Variants in GLYR1 observed in about 807,000 individuals in gnomAD.
GLYR1 encodes cytokine-like nuclear factor N-PAC.
A neutral mutation model predicts 72.7 loss-of-function variants in GLYR1; 21 were observed. The observed-to-expected ratio is 0.29, with a 90% CI of 0.20 to 0.42. The LOEUF (loss-of-function observed/expected upper bound fraction) is 0.42. Ranked by LOEUF, GLYR1 falls within the 10% of genes least tolerant of loss-of-function variation. GLYR1 has a pLI of 1.00. For missense variants in GLYR1, 594 were observed against 712.1 expected, an observed-to-expected ratio of 0.83 and a Z score of 1.89; for synonymous variants, 392 against 270.2, an observed-to-expected ratio of 1.45 and a Z score of -4.42.
intron 10 of GLYR1, among the ~76,000 whole-genome samples, chr16:4,817,321 G>T (rs942382396): frequency 6.6e-6 from 1 of 151,780 alleles, no homozygotes; most frequent in African/African-American, 2.4e-5. Context: ...GGGTTTCACC[G>T]TGTTAGCCAG....
At chr16:4,816,287 T>C (rs893747380) in intron 10 of GLYR1, among the ~76,000 whole-genome samples, 2 of 151,942 alleles carry the variant, frequency 1.3e-5, no homozygotes, top group Admixed American at 6.6e-5. Flanking sequence ...GGGACTATAG[T>C]AGGCAGGTGC....
At chr16:4,809,555 T>G (rs1173967128) in intron 15 of GLYR1, among the ~76,000 whole-genome samples, 1 of 143,252 alleles carries the variant, frequency 7.0e-6, no homozygotes, top group Non-Finnish European at 1.5e-5. Flanking sequence ...AAGCTTGCAG[T>G]GAGCCGAGAT....
chr16:4,836,290 A>G (rs1445406995), intron 3 of GLYR1, among the ~76,000 whole-genome samples: 1 of 152,152 alleles, frequency 6.6e-6, no homozygotes, highest in Non-Finnish European at 1.5e-5. Context: ...AGGTGCTACA[A>G]TGCTCCAGTG....
intron 7 of GLYR1, among the ~76,000 whole-genome samples, 149 bp downstream of exon 7, chr16:4,822,713 TGCTTGGCTCATTA>T (rs1269449303): frequency 6.6e-6 from 1 of 152,214 alleles, no homozygotes; most frequent in Non-Finnish European, 1.5e-5. Context: ...ATCTTAACAA[TGCTTGGCTCATTA>T]GCGGGCCCAT....
chr16:4,814,613 C>T lies in GLYR1; in HGVS notation c.941G>A (p.Gly314Glu). The change falls in exon 11 of 16, where the codon GGA becomes GAA. Residue 314 changes from glycine to glutamate, a missense_variant. Transcript: ENST00000321919. ...TGAGACGACTTCAGCGGGGGTTCTT[C>T]CCAGACGGGCCCCCTCCTGGATGAA... is the stretch of plus-strand genomic sequence containing the variant. Reference protein sequence around the residue: ...DLFIQEGARLGRTPAEVVSTC... With the variant: ...DLFIQEGARLERTPAEVVSTC... The T allele has an allele frequency of 6.2e-7, 1 of 1,614,128 alleles. No individual in the cohort carries two copies. The highest frequency in any genetic ancestry group is 8.5e-7 in the Non-Finnish European group (1 of 1,180,002).
intron 3 of GLYR1, among the ~76,000 whole-genome samples, chr16:4,834,322 C>T (rs986805087): frequency 7.8e-5 from 9 of 115,238 alleles, no homozygotes; most frequent in South Asian, 5.1e-4. Context: ...TTTTTTGAGA[C>T]GGAGTTTCAC....
At chr16:4,805,399 C>A in intron 15 of GLYR1, 89 bp from the exon 16 acceptor site, 1 of 1,116,704 alleles carries the variant, frequency 9.0e-7, no homozygotes, top group South Asian at 1.3e-5. Flanking sequence ...TGGATGTGGC[C>A]AGCAGGCAGT....
intron 5 of GLYR1, among the ~76,000 whole-genome samples, chr16:4,830,064 A>T (rs1021694958): frequency 6.6e-6 from 1 of 152,076 alleles, no homozygotes; most frequent in African/African-American, 2.4e-5. Flanking sequence ...CTGGCCTCCC[A>T]AAGTGCTAGG....
chr16:4,830,996 C>G (rs1181606290), intron 5 of GLYR1, among the ~76,000 whole-genome samples: 1 of 152,216 alleles, frequency 6.6e-6, no homozygotes, highest in Non-Finnish European at 1.5e-5. Flanking sequence ...CCCAGGCTGT[C>G]TAGGCCTTGC....
At chr16:4,829,896 C>CT (rs2142009073) in intron 5 of GLYR1, among the ~76,000 whole-genome samples, 1 of 152,270 alleles carries the variant, frequency 6.6e-6, no homozygotes, top group South Asian at 2.1e-4. Context: ...TGGTCTCGAA[C>CT]TCCCGACCTG....
At chr16:4,831,031 G>C (rs967052601) in intron 5 of GLYR1, among the ~76,000 whole-genome samples, 10 of 152,094 alleles carry the variant, frequency 6.6e-5, no homozygotes, top group South Asian at 2.1e-4. Context: ...ATTCCAAACA[G>C]AACTGGTACT....
chr16:4,818,840 A>T (rs905650758), intron 9 of GLYR1, among the ~76,000 whole-genome samples: 17 of 151,900 alleles, frequency 1.1e-4, no homozygotes, highest in African/African-American at 4.1e-4. Flanking sequence ...CCTTCTCCCC[A>T]TGCCTGCCTT....
At chr16:4,830,335 C>T (rs1567755786) in intron 5 of GLYR1, among the ~76,000 whole-genome samples, 1 of 151,516 alleles carries the variant, frequency 6.6e-6, no homozygotes, top group Non-Finnish European at 1.5e-5. Context: ...GCTATGATTG[C>T]AGGTATGAGA....
In GLYR1 at chr16:4,813,233, G is replaced by A. The variant is rs547260491; in HGVS notation, c.1119+504C>T. On this transcript the variant is annotated intron_variant, in intron 12 of 15. Coordinates refer to ENST00000321919, the MANE Select transcript of GLYR1 (RefSeq NM_032569.4). Reference sequence around the variant, plus strand: ...CCACCTCGGCCTCCCAAAGTGCTGGGATTACAGGCGTGAGCCACCGCGCCC... The same window carrying A: ...CCACCTCGGCCTCCCAAAGTGCTGGAATTACAGGCGTGAGCCACCGCGCCC... Among the ~76,000 whole-genome samples, 9 of 152,324 alleles carry A rather than the reference G, an allele frequency of 5.9e-5. No individual in the cohort carries two copies. In the South Asian group the frequency reaches 1.2e-3, roughly 21 times the overall value.
At position 4,844,869 on chromosome 16, in the gene GLYR1, C is replaced by T. The variant is rs1012950980; in HGVS notation, c.155+205G>A. ...GTAAATGAACCTAGTTCTTGCCTGACTTAGTTATAGACCTAGGACAGTTGT... is the reference window on the plus strand; with the variant it reads ...GTAAATGAACCTAGTTCTTGCCTGATTTAGTTATAGACCTAGGACAGTTGT... On this transcript the variant is annotated intron_variant, in intron 3 of 15. Transcript: ENST00000321919. Among the ~76,000 whole-genome samples, 8 of 152,318 alleles carry T rather than the reference C, an allele frequency of 5.3e-5. No individual in the cohort carries two copies. In the South Asian group the frequency reaches 8.3e-4, roughly 16 times the overall value.
intron 7 of GLYR1, 57 bp from the exon 8 acceptor site, chr16:4,821,654 A>T: frequency 6.6e-7 from 1 of 1,508,606 alleles, no homozygotes; most frequent in South Asian, 1.1e-5. Flanking sequence ...ACCAGTCTTC[A>T]TAATAATCCC....
chr16:4,823,673 A>T, intron 6 of GLYR1, 148 bp downstream of exon 6: 3 of 722,026 alleles, frequency 4.2e-6, no homozygotes. Context: ...GGAAATTTTT[A>T]ATTTTTTATT....
At chr16:4,827,441 G>A (rs972826354) in intron 5 of GLYR1, among the ~76,000 whole-genome samples, 1 of 152,162 alleles carries the variant, frequency 6.6e-6, no homozygotes, top group Admixed American at 6.5e-5. Flanking sequence ...CTGCTCATAC[G>A]TCCTTTCACT....
At chr16:4,830,611 A>G (rs890493123) in intron 5 of GLYR1, among the ~76,000 whole-genome samples, 1 of 152,186 alleles carries the variant, frequency 6.6e-6, no homozygotes, top group Non-Finnish European at 1.5e-5. Flanking sequence ...CTAATGTTCC[A>G]TCATGGCCTC....
Sources: allele counts gnomAD v4.1 joint callset (sites outside exome capture counted in the v4.1 genomes callset), GRCh38; gene constraint gnomAD v4.1.1; transcripts MANE v1.5; gene names NCBI Gene and HGNC (gene_info 2026-07-23, HGNC 2026-07-21).